BMERB1: variants seen among roughly 807,000 people sequenced by gnomAD.
The protein encoded by BMERB1 is bMERB domain-containing protein 1.
A neutral mutation model predicts 23.6 loss-of-function variants in BMERB1; 12 were observed. That is an observed-to-expected ratio of 0.51 (90% CI 0.33 to 0.82). The LOEUF is 0.82. BMERB1 is among the 40% of genes least tolerant of loss of function. The probability of loss-of-function intolerance (pLI) is 0.03; values close to 1 mark genes in which losing one functional copy is unlikely to be tolerated. For missense variants in BMERB1, 247 were observed against 255.4 expected (o/e 0.97, Z 0.22); for synonymous variants, 122 against 96.6 (o/e 1.26, Z -1.54).
intron 2 of BMERB1, among the ~76,000 whole-genome samples, chr16:15,531,534 T>A (rs1188266753): frequency 6.6e-6 from 1 of 152,114 alleles, no homozygotes; most frequent in Non-Finnish European, 1.5e-5. Context: ...GGAGCCACAG[T>A]GTGGCAGCAA....
At position 15,438,462 on chromosome 16, in the gene BMERB1, C is replaced by CTT. The variant is rs1241217450; in HGVS notation, c.106+3704_106+3705insTT. 9.5e-5 allele frequency among the ~76,000 whole-genome samples: 11 copies of CTT among 116,134 alleles called. 2 individuals are homozygous for CTT. Among genetic ancestry groups the CTT allele is most frequent in the Admixed American group, 1.8e-4 (2 of 11,422 alleles). The allele number at this position is 116,134 out of a possible 152,430, so 76.2% of individuals were successfully genotyped here. A position where few individuals can be genotyped will look rare whatever the true frequency, so the allele number is the denominator to read the frequency against. Reference sequence around the variant, plus strand: ...AATCTGGCAAGTTTTATTTTCTAGACTATTTTTTTTTTTTTTTGAGACAGG... The same window carrying CTT: ...AATCTGGCAAGTTTTATTTTCTAGACTTTATTTTTTTTTTTTTTTGAGACAGG... On this transcript the variant is annotated intron_variant, in intron 1 of 5. Coordinates refer to ENST00000300006, the MANE Select transcript of BMERB1 (RefSeq NM_033201.3).
At chr16:15,477,409 T>C (rs2051283599) in intron 1 of BMERB1, among the ~76,000 whole-genome samples, 1 of 152,072 alleles carries the variant, frequency 6.6e-6, no homozygotes, top group South Asian at 2.1e-4. Flanking sequence ...CAAGGTGAGA[T>C]TTGGGTGGGG....
intron 1 of BMERB1, among the ~76,000 whole-genome samples, chr16:15,457,054 G>A (rs778727836): frequency 2.0e-5 from 3 of 152,102 alleles, no homozygotes; most frequent in Admixed American, 1.3e-4. Context: ...TCGAACTCCT[G>A]ACCTCAAGTT....
intron 2 of BMERB1, among the ~76,000 whole-genome samples, chr16:15,532,552 T>C (rs1370530558): frequency 2.9e-5 from 4 of 140,182 alleles, no homozygotes; most frequent in Admixed American, 7.2e-5. Flanking sequence ...TTCTTTTTTT[T>C]TTTTTTTTTT....
At chr16:15,577,647 C>T (rs775625759) in intron 3 of BMERB1, among the ~76,000 whole-genome samples, 6 of 132,324 alleles carry the variant, frequency 4.5e-5, no homozygotes, top group African/African-American at 8.3e-5. Flanking sequence ...TGGCATGTTC[C>T]GGGGTTTTAT....
intron 2 of BMERB1, among the ~76,000 whole-genome samples, chr16:15,556,836 G>A (rs536449068): frequency 9.7e-4 from 148 of 152,148 alleles, no homozygotes; most frequent in Admixed American, 2.5e-3. Flanking sequence ...CGCCCTCCTC[G>A]GCCTCCCAAA....
chr16:15,452,337 A>AGGGAGGGAGAGAGG (rs751532838), intron 1 of BMERB1, among the ~76,000 whole-genome samples: 3 of 131,298 alleles, frequency 2.3e-5, no homozygotes, highest in Non-Finnish European at 3.4e-5. Flanking sequence ...GGAGGGAGAG[A>AGGGAGGGAGAGAGG]GAGAGAGAGA....
intron 5 of BMERB1, among the ~76,000 whole-genome samples, chr16:15,583,686 A>T (rs1421062871): frequency 6.6e-6 from 1 of 151,900 alleles, no homozygotes; most frequent in Admixed American, 6.6e-5. Context: ...TCAGCATGGG[A>T]TGACAGCAGG....
chr16:15,515,161 A>G lies in BMERB1; in HGVS notation c.107-144A>G, dbSNP rs146081213. 470 of 1,065,890 alleles carry G rather than the reference A, an allele frequency of 4.4e-4. 3 individuals carry two copies. In the African/African-American group the frequency reaches 5.9e-3, roughly 13 times the overall value. The allele number at this position is 1,065,890 out of a possible 1,614,324, so 66.0% of individuals were successfully genotyped here. ...TGGTTCCCAAAGGGTGTGCTCACGAATACACATTTGTGGCACAGGCTGAAG... is the reference window on the plus strand; with the variant it reads ...TGGTTCCCAAAGGGTGTGCTCACGAGTACACATTTGTGGCACAGGCTGAAG... On this transcript the variant is annotated intron_variant, in intron 1 of 5. Coordinates refer to ENST00000300006, the MANE Select transcript of BMERB1 (RefSeq NM_033201.3).
chr16:15,565,061 A>C (rs1598524269), intron 2 of BMERB1, among the ~76,000 whole-genome samples: 1 of 152,198 alleles, frequency 6.6e-6, no homozygotes, highest in African/African-American at 2.4e-5. Context: ...GCAAAAAAAA[A>C]AAAAAGCACT....
chr16:15,541,547 A>G (rs1372593909), intron 2 of BMERB1, among the ~76,000 whole-genome samples: 2 of 138,498 alleles, frequency 1.4e-5, no homozygotes, highest in Non-Finnish European at 3.0e-5. Context: ...CTTCAGCCTC[A>G]CAAGTAGCTG....
At chr16:15,482,825 A>T (rs567315037) in intron 1 of BMERB1, among the ~76,000 whole-genome samples, 1 of 152,330 alleles carries the variant, frequency 6.6e-6, no homozygotes, top group East Asian at 1.9e-4. Flanking sequence ...TTCAGCATTT[A>T]TCCTATGTCA....
chr16:15,578,659 G>T (rs1441629953), intron 3 of BMERB1, among the ~76,000 whole-genome samples: 1 of 152,120 alleles, frequency 6.6e-6, no homozygotes, highest in Non-Finnish European at 1.5e-5. Context: ...GGTGTTGGCA[G>T]ATACAGTGCC....
At chr16:15,520,433 T>C (rs1248489341) in intron 2 of BMERB1, among the ~76,000 whole-genome samples, 1 of 152,064 alleles carries the variant, frequency 6.6e-6, no homozygotes, top group Non-Finnish European at 1.5e-5. Context: ...CTTTGGACTT[T>C]TCTGTACCAT....
chr16:15,472,953 A>G (rs1275099708), intron 1 of BMERB1, among the ~76,000 whole-genome samples: 1 of 146,666 alleles, frequency 6.8e-6, no homozygotes, highest in South Asian at 2.1e-4. Flanking sequence ...TTTACTTTCC[A>G]GGTTCAAGCA....
At chr16:15,516,854 T>A (rs1374837790) in intron 2 of BMERB1, among the ~76,000 whole-genome samples, 1 of 152,152 alleles carries the variant, frequency 6.6e-6, no homozygotes, top group Non-Finnish European at 1.5e-5. Context: ...AATTTTTAGT[T>A]ACTTATTTAG....
intron 1 of BMERB1, among the ~76,000 whole-genome samples, chr16:15,464,312 TAAAA>T (rs528828210): frequency 1.9e-5 from 2 of 104,008 alleles, no homozygotes; most frequent in African/African-American, 3.6e-5. Flanking sequence ...GACTTCATCT[TAAAA>T]AAAAAAAAAA....
chr16:15,548,372 C>T (rs1426977032), intron 2 of BMERB1, among the ~76,000 whole-genome samples: 1 of 152,212 alleles, frequency 6.6e-6, no homozygotes, highest in Non-Finnish European at 1.5e-5. Context: ...TAATACTCAG[C>T]TTCTCTTCTA....
At chr16:15,464,016 GAAGTA>G (rs967860302) in intron 1 of BMERB1, among the ~76,000 whole-genome samples, 14 of 151,982 alleles carry the variant, frequency 9.2e-5, no homozygotes, top group African/African-American at 3.1e-4. Context: ...GTTTATTAGA[GAAGTA>G]AAGAATCAAG....
Sources: allele counts gnomAD v4.1 joint callset (sites outside exome capture counted in the v4.1 genomes callset), GRCh38; gene constraint gnomAD v4.1.1; transcripts MANE v1.5; gene names NCBI Gene and HGNC (gene_info 2026-07-23, HGNC 2026-07-21).